Variants in PTPRD observed in about 807,000 individuals in gnomAD.
PTPRD encodes protein tyrosine phosphatase receptor type D, also known as receptor-type tyrosine-protein phosphatase delta.
Under a neutral mutation model 214.5 loss-of-function variants are expected in PTPRD, and 34 were observed. The observed-to-expected ratio is 0.16, with a 90% CI of 0.12 to 0.21. The LOEUF (loss-of-function observed/expected upper bound fraction) is 0.21. Among genes scored for constraint, PTPRD ranks in the 10% least tolerant of loss-of-function variants. The pLI, the probability that PTPRD is intolerant of heterozygous loss-of-function variation, is 1.00. For missense variants in PTPRD, 2,545 were observed against 2,398.7 expected (o/e 1.06, Z -1.27); for synonymous variants, 1,128 against 845.7 (o/e 1.33, Z -5.79).
At chr9:8,720,354 G>T (rs896403414) in intron 12 of PTPRD, among the ~76,000 whole-genome samples, 1 of 152,194 alleles carries the variant, frequency 6.6e-6, no homozygotes, top group Non-Finnish European at 1.5e-5. Flanking sequence ...GAAGGGCCAG[G>T]CCCAGAGCTG....
chr9:8,822,227 A>G (rs1360295324), intron 11 of PTPRD, among the ~76,000 whole-genome samples: 1 of 152,210 alleles, frequency 6.6e-6, no homozygotes, highest in African/African-American at 2.4e-5. Context: ...CCAGTGATTT[A>G]GTATATCTGG....
At chr9:10,384,560 G>C (rs7855104) in intron 2 of PTPRD, among the ~76,000 whole-genome samples, 1 of 151,518 alleles carries the variant, frequency 6.6e-6, no homozygotes, top group African/African-American at 2.4e-5. Context: ...AAAAAGGTAG[G>C]AATGATAGCC....
chr9:10,264,745 G>A (rs1489114546), intron 3 of PTPRD, among the ~76,000 whole-genome samples: 8 of 152,072 alleles, frequency 5.3e-5, no homozygotes, highest in African/African-American at 1.9e-4. Flanking sequence ...GAAATCTGAG[G>A]ACACGAGATT....
chr9:8,525,884 C>T (rs2073972529), intron 17 of PTPRD, among the ~76,000 whole-genome samples: 1 of 151,674 alleles, frequency 6.6e-6, no homozygotes, highest in South Asian at 2.1e-4. Context: ...TATGAAAAAC[C>T]AGCAATACCA....
At chr9:9,931,960 G>A (rs2086813335) in intron 5 of PTPRD, among the ~76,000 whole-genome samples, 1 of 151,960 alleles carries the variant, frequency 6.6e-6, no homozygotes, top group Non-Finnish European at 1.5e-5. Context: ...CCCCCCAGCA[G>A]GGGCACACTG....
chr9:10,526,858 G>A (rs2134445821), intron 2 of PTPRD, among the ~76,000 whole-genome samples: 1 of 152,226 alleles, frequency 6.6e-6, no homozygotes, highest in African/African-American at 2.4e-5. Flanking sequence ...GAATGGCTAA[G>A]GCAAGCATAA....
intron 2 of PTPRD, among the ~76,000 whole-genome samples, chr9:10,534,499 T>C (rs2057272819): frequency 1.3e-5 from 2 of 152,120 alleles, no homozygotes; most frequent in African/African-American, 4.8e-5. Context: ...ATGGTTTTGA[T>C]ATGAGCTTCC....
At chr9:10,344,269 C>A (rs1184896020) in intron 2 of PTPRD, among the ~76,000 whole-genome samples, 1 of 151,972 alleles carries the variant, frequency 6.6e-6, no homozygotes, top group African/African-American at 2.4e-5. Flanking sequence ...TTCCCAGCAC[C>A]ATTTATTGAA....
intron 9 of PTPRD, among the ~76,000 whole-genome samples, chr9:9,354,936 AG>A (rs2138534215): frequency 6.6e-6 from 1 of 151,914 alleles, no homozygotes. Context: ...ATAGCAAAGG[AG>A]GAAAATGTGA....
intron 9 of PTPRD, among the ~76,000 whole-genome samples, chr9:9,290,833 C>T (rs1294830761): frequency 6.6e-6 from 1 of 151,356 alleles, no homozygotes; most frequent in African/African-American, 2.4e-5. Flanking sequence ...GTTAGGTAAT[C>T]AAGAAATATA....
At chr9:9,762,721 A>T (rs1282153401) in intron 6 of PTPRD, among the ~76,000 whole-genome samples, 1 of 152,168 alleles carries the variant, frequency 6.6e-6, no homozygotes, top group Non-Finnish European at 1.5e-5. Context: ...TATTTCTTTC[A>T]TGCAACTCAG....
intron 2 of PTPRD, among the ~76,000 whole-genome samples, chr9:10,475,952 T>C (rs1054222833): frequency 2.6e-5 from 4 of 152,054 alleles, no homozygotes; most frequent in African/African-American, 7.2e-5. Context: ...CTAAAAACTC[T>C]CAATAAACTA....
At chr9:10,479,344 G>A (rs73644466) in intron 2 of PTPRD, among the ~76,000 whole-genome samples, 4,050 of 151,768 alleles carry the variant, frequency 0.027, 146 homozygotes, top group African/African-American at 0.071. Flanking sequence ...CCAACACATA[G>A]GAAAGGTGGA....
chr9:10,033,226 A>C (rs1220981935), intron 4 of PTPRD, among the ~76,000 whole-genome samples: 2 of 151,808 alleles, frequency 1.3e-5, no homozygotes, highest in Non-Finnish European at 2.9e-5. Flanking sequence ...CATGATACCA[A>C]GAAATACTAA....
intron 11 of PTPRD, among the ~76,000 whole-genome samples, chr9:8,916,884 A>C (rs1266049492): frequency 6.6e-6 from 1 of 152,124 alleles, no homozygotes; most frequent in Admixed American, 6.5e-5. Flanking sequence ...CACATGACTA[A>C]ATCTTTCTCA....
intron 2 of PTPRD, among the ~76,000 whole-genome samples, chr9:10,522,821 A>G (rs1590020823): frequency 6.6e-6 from 1 of 152,122 alleles, no homozygotes; most frequent in African/African-American, 2.4e-5. Flanking sequence ...AACTTTTAAA[A>G]AAGTTGAAAA....
intron 7 of PTPRD, among the ~76,000 whole-genome samples, chr9:9,657,562 G>A (rs1157480952): frequency 6.6e-6 from 1 of 152,070 alleles, no homozygotes; most frequent in Non-Finnish European, 1.5e-5. Context: ...TAACAAACAT[G>A]CACGTTGTGC....
intron 45 of PTPRD, 145 bp downstream of exon 45, chr9:8,319,686 G>A: frequency 3.2e-6 from 3 of 939,770 alleles, no homozygotes; most frequent in Admixed American, 3.1e-5. Context: ...TAAAAAGGGG[G>A]AAAATGAGGT....
At chr9:9,762,706 G>C (rs902370681) in intron 6 of PTPRD, among the ~76,000 whole-genome samples, 1 of 152,132 alleles carries the variant, frequency 6.6e-6, no homozygotes, top group Non-Finnish European at 1.5e-5. Context: ...CATCAGAACC[G>C]CATATATTTC....
Sources: gnomAD v4.1 joint callset for allele counts (sites outside exome capture counted in the v4.1 genomes callset) on GRCh38, gnomAD v4.1.1 for gene constraint, MANE v1.5 for transcripts, NCBI Gene and HGNC (gene_info 2026-07-23, HGNC 2026-07-21) for gene names.